The following ATXN10 variants were observed in gnomAD, a reference collection of about 807,000 sequenced individuals.
ATXN10 encodes ataxin 10, also known as ataxin-10.
ATXN10 carries 28 observed loss-of-function variants against 52.9 expected under a neutral mutation model. That is an observed-to-expected ratio of 0.53 (90% CI 0.39 to 0.73). The LOEUF is 0.73. Among genes scored for constraint, ATXN10 ranks in the 30% least tolerant of loss-of-function variants. The pLI is 0.00. For synonymous variants in ATXN10, 226 were observed against 221.5 expected, an observed-to-expected ratio of 1.02 and a Z score of -0.18; for missense variants, 565 against 577.0, an observed-to-expected ratio of 0.98 and a Z score of 0.21.
intron 5 of ATXN10, among the ~76,000 whole-genome samples, chr22:45,713,548 T>C (rs1201602084): frequency 6.6e-6 from 1 of 152,204 alleles, no homozygotes; most frequent in African/African-American, 2.4e-5. Context: ...TTCATCTGAA[T>C]GGTACTTCCA....
intron 2 of ATXN10, among the ~76,000 whole-genome samples, chr22:45,691,760 G>A (rs1923387882): frequency 6.6e-6 from 1 of 152,220 alleles, no homozygotes; most frequent in South Asian, 2.1e-4. Context: ...GGGTGTGGTG[G>A]CACACACCTG....
intron 9 of ATXN10, among the ~76,000 whole-genome samples, chr22:45,777,990 T>TAAA (rs1355026124): frequency 4.6e-5 from 7 of 152,232 alleles, no homozygotes; most frequent in Non-Finnish European, 4.4e-5. Context: ...TAAAGTTTTA[T>TAAA]TGGGACATAG....
At chr22:45,735,228 A>C (rs764293373) in intron 7 of ATXN10, among the ~76,000 whole-genome samples, 11 of 152,110 alleles carry the variant, frequency 7.2e-5, no homozygotes, top group Non-Finnish European at 1.6e-4. Context: ...TACATAGTTA[A>C]TGTTCCCTAA....
intron 2 of ATXN10, 54 bp downstream of exon 2, chr22:45,689,957 C>T (rs1923306657): frequency 1.3e-6 from 2 of 1,577,694 alleles, no homozygotes; most frequent in East Asian, 4.5e-5. Flanking sequence ...CATGCTGGTT[C>T]TGTCATTTGG....
rs1209672442 is a variant in ATXN10, at chr22:45,728,507, G to A, written c.729-918G>A. On this transcript the variant is annotated intron_variant, in intron 6 of 11. Transcript: ENST00000252934. The surrounding 1 kb of genome is among the most constrained non-coding windows in gnomAD (Gnocchi z 4.3). The stretch of plus-strand genomic sequence containing the variant: ...ATAGTTTTATTTCTTACTTGAAGCA[G>A]TAAATAATTTAAATTTTTTTCTTGG... Among the ~76,000 whole-genome samples the A allele has an allele frequency of 6.6e-6, 1 of 152,146 alleles. No homozygotes were observed. Among genetic ancestry groups the A allele is most frequent in the African/African-American group, 2.4e-5 (1 of 41,448 alleles).
intron 1 of ATXN10, among the ~76,000 whole-genome samples, chr22:45,685,830 CTA>C (rs1569022507): frequency 6.6e-6 from 1 of 152,102 alleles, no homozygotes; most frequent in African/African-American, 2.4e-5. Context: ...TTATATGACT[CTA>C]GAGGAAGAGT....
intron 9 of ATXN10, among the ~76,000 whole-genome samples, chr22:45,794,696 C>T (rs1023708487): frequency 2.0e-5 from 3 of 152,042 alleles, no homozygotes; most frequent in African/African-American, 7.2e-5. Context: ...TAAAGGAAAA[C>T]TGTTAATCTA....
chr22:45,699,475 T>G (rs1923749090), intron 3 of ATXN10, among the ~76,000 whole-genome samples: 1 of 150,900 alleles, frequency 6.6e-6, no homozygotes, highest in Non-Finnish European at 1.5e-5. Context: ...ATCTTTTTTT[T>G]TTTCTTTTTC....
rs1264294135 is a variant in ATXN10, at chr22:45,819,927, C to T, written c.1237+12905C>T. On this transcript the variant is annotated intron_variant, in intron 10 of 11. Transcript: ENST00000252934. This position sits in a 1 kb window ranked among gnomAD's most constrained non-coding sequence, Gnocchi z 4.5. ...AAAGTTTGGCATAAAGGAACATGTT[C>T]CAGTAACCCTGATAATTGTCAGGAT... 1.3e-5 allele frequency among the ~76,000 whole-genome samples: 2 copies of T among 152,076 alleles called. No homozygotes were observed. The highest frequency in any genetic ancestry group is 6.5e-5 in the Admixed American group (1 of 15,268).
chr22:45,689,118 A>T (rs1252121996), intron 1 of ATXN10, among the ~76,000 whole-genome samples: 2 of 152,172 alleles, frequency 1.3e-5, no homozygotes, highest in Non-Finnish European at 1.5e-5. Flanking sequence ...TGACTGTAGA[A>T]GTTTGGTGTG....
rs551103967 is a variant in ATXN10 at position 45,772,451 on chromosome 22, A to T, written c.1173+31913A>T. Among the ~76,000 whole-genome samples the T allele has an allele frequency of 6.6e-6, 1 of 152,238 alleles. No individual in the cohort carries two copies. The highest frequency in any genetic ancestry group is 2.4e-5 in the African/African-American group (1 of 41,460). On this transcript the variant is annotated intron_variant, in intron 9 of 11. Coordinates refer to ENST00000252934, the MANE Select transcript of ATXN10 (RefSeq NM_013236.4). The surrounding 1 kb of genome is among the most constrained non-coding windows in gnomAD (Gnocchi z 4.1). ...CGATATTTGTGCCTGTCTCTTCACC[A>T]TTACAACATTGTCTTTATTACTGTC...
At position 45,781,389 on chromosome 22, in the gene ATXN10, T is replaced by A. The variant is rs538255648; in HGVS notation, c.1174-25570T>A. Among the ~76,000 whole-genome samples, 47 of 152,178 alleles carry A rather than the reference T, an allele frequency of 3.1e-4. No homozygotes were observed. Among genetic ancestry groups the A allele is most frequent in the African/African-American group, 1.1e-3 (46 of 41,510 alleles). On this transcript the variant is annotated intron_variant, in intron 9 of 11. Transcript: ENST00000252934. The surrounding 1 kb of genome is among the most constrained non-coding windows in gnomAD (Gnocchi z 4.2). ...GCCCAGCAGTAGTGAGGCACCCCTC[T>A]CTCCCCGGGTGTCAAAGGAGGTTGA...
At chr22:45,714,257 A>G (rs1924361851) in intron 5 of ATXN10, among the ~76,000 whole-genome samples, 2 of 150,824 alleles carry the variant, frequency 1.3e-5, no homozygotes, top group African/African-American at 4.9e-5. Context: ...TTCTTTACCT[A>G]TTTTTCTATT....
At position 45,774,492 on chromosome 22, in the gene ATXN10, G is replaced by A. The variant is rs1415820297; in HGVS notation, c.1174-32467G>A. ...TACTACTTTGATGTAAGAGGAGATC[G>A]CTATTAGGAAATTCCAGATGTCCAC... On this transcript the variant is annotated intron_variant, in intron 9 of 11. Transcript: ENST00000252934. The surrounding 1 kb of genome is among the most constrained non-coding windows in gnomAD (Gnocchi z 6.2). Among the ~76,000 whole-genome samples the A allele has an allele frequency of 1.3e-5, 2 of 152,216 alleles. No individual in the cohort carries two copies. The highest frequency in any genetic ancestry group is 1.9e-4 in the East Asian group (1 of 5,196).
chr22:45,807,154 A>C, intron 10 of ATXN10, 132 bp downstream of exon 10: 1 of 779,120 alleles, frequency 1.3e-6, no homozygotes, highest in Non-Finnish European at 2.3e-6. Context: ...CTGAGAACCA[A>C]ATCATTTTCT....
At chr22:45,827,874 G>C (rs1285011590) in intron 10 of ATXN10, among the ~76,000 whole-genome samples, 1 of 152,146 alleles carries the variant, frequency 6.6e-6, no homozygotes, top group Non-Finnish European at 1.5e-5. Context: ...TGTATATTAG[G>C]TAACAAATTA....
intron 9 of ATXN10, among the ~76,000 whole-genome samples, chr22:45,749,624 T>C (rs1447475655): frequency 1.3e-5 from 2 of 152,130 alleles, no homozygotes; most frequent in Non-Finnish European, 1.5e-5. Flanking sequence ...TGCAGTGGTG[T>C]GATTATAGCT....
At chr22:45,691,051 A>G (rs1364266215) in intron 2 of ATXN10, among the ~76,000 whole-genome samples, 1 of 152,220 alleles carries the variant, frequency 6.6e-6, no homozygotes, top group African/African-American at 2.4e-5. Flanking sequence ...ATCAAAGGAG[A>G]GAGGGTAAAA....
rs375845841 is a variant in ATXN10, at chr22:45,715,471, G to A, written c.648-2942G>A. Among the ~76,000 whole-genome samples the A allele has an allele frequency of 6.6e-5, 10 of 152,330 alleles. No homozygotes were observed. In the South Asian group the frequency reaches 1.7e-3, roughly 25 times the overall value. On this transcript the variant is annotated intron_variant, in intron 5 of 11. Transcript: ENST00000252934. The surrounding 1 kb of genome is among the most constrained non-coding windows in gnomAD (Gnocchi z 4.4). ...GCCGCATGCAGCCCAGGATGGCTTTGAATGCTACCTAACACAAATTTGTGA... is the reference window on the plus strand; with the variant it reads ...GCCGCATGCAGCCCAGGATGGCTTTAAATGCTACCTAACACAAATTTGTGA...
Sources: allele counts gnomAD v4.1 joint callset (sites outside exome capture counted in the v4.1 genomes callset), GRCh38; gene constraint gnomAD v4.1.1; non-coding constraint Gnocchi (gnomAD v3.1); transcripts MANE v1.5; gene names NCBI Gene and HGNC (gene_info 2026-07-23, HGNC 2026-07-21).